The following CDH18 variants were observed in gnomAD, a reference collection of about 807,000 sequenced individuals.
CDH18 encodes the protein cadherin-18.
A neutral mutation model predicts 67.9 loss-of-function variants in CDH18; 31 were observed. The ratio of observed to expected loss-of-function variants is 0.46; its 90% CI spans 0.34 to 0.62. CDH18 has a LOEUF of 0.62. CDH18 is among the 20% of genes least tolerant of loss of function. CDH18 has a pLI of 0.01. For synonymous variants in CDH18, 362 were observed against 347.2 expected (o/e 1.04, Z -0.48); for missense variants, 890 against 975.5 (o/e 0.91, Z 1.17).
rs541765484 is a variant in CDH18 at position 20,140,755 on chromosome 5, G to A, written c.-518+114689C>T. 2.2e-4 allele frequency among the ~76,000 whole-genome samples: 33 copies of A among 152,114 alleles called. 1 individual carries two copies. The highest frequency in any genetic ancestry group is 7.2e-4 in the African/African-American group (30 of 41,526). Reference sequence around the variant, plus strand: ...TTTATTGTAAGGATGGAACTGATGCGTTTTGGCCTCTTTCCATCTCAGAGC... The same window carrying A: ...TTTATTGTAAGGATGGAACTGATGCATTTTGGCCTCTTTCCATCTCAGAGC... On this transcript the variant is annotated intron_variant, in intron 2 of 14. Coordinates refer to the CDH18 transcript ENST00000507958.
At chr5:20,462,370 T>G (rs1561027294) in intron 1 of CDH18, among the ~76,000 whole-genome samples, 1 of 151,614 alleles carries the variant, frequency 6.6e-6, no homozygotes, top group Admixed American at 6.6e-5. Flanking sequence ...TATATAGAGG[T>G]GGAAGATGAG....
chr5:20,355,758 A>C lies in CDH18; in HGVS notation c.-579-100253T>G, dbSNP rs967102871. Among the ~76,000 whole-genome samples, 7 of 152,210 alleles carry C rather than the reference A, an allele frequency of 4.6e-5. No homozygotes were observed. In the East Asian group the frequency reaches 1.3e-3, roughly 29 times the overall value. On this transcript the variant is annotated intron_variant, in intron 1 of 14. Transcript: ENST00000507958. ...TGTTTATGCATCTGAAGTTTTATCTACATCAAGCTGAATATGCTGCAAGCC... is the reference window on the plus strand; with the variant it reads ...TGTTTATGCATCTGAAGTTTTATCTCCATCAAGCTGAATATGCTGCAAGCC...
intron 3 of CDH18, among the ~76,000 whole-genome samples, chr5:19,814,625 A>G (rs1779098604): frequency 6.6e-6 from 1 of 152,046 alleles, no homozygotes; most frequent in African/African-American, 2.4e-5. Flanking sequence ...AGGTCCTTTT[A>G]TCAATTAAAA....
chr5:20,231,308 A>C (rs1742050410), intron 2 of CDH18, among the ~76,000 whole-genome samples: 1 of 152,194 alleles, frequency 6.6e-6, no homozygotes, highest in Non-Finnish European at 1.5e-5. Flanking sequence ...AAGTCACCTT[A>C]GAAATTACTG....
chr5:20,443,233 T>TAAAAAAAAAA, intron 1 of CDH18, among the ~76,000 whole-genome samples: 1 of 116,154 alleles, frequency 8.6e-6, no homozygotes, highest in Non-Finnish European at 1.8e-5. Context: ...AAAAAAAAAG[T>TAAAAAAAAAA]ATATCTTTTG....
At chr5:20,469,469 GA>G (rs1424746630) in intron 1 of CDH18, among the ~76,000 whole-genome samples, 1 of 152,080 alleles carries the variant, frequency 6.6e-6, no homozygotes, top group African/African-American at 2.4e-5. Flanking sequence ...ATACTGTGCT[GA>G]AATGAAGTTT....
chr5:20,162,566 T>C (rs1255777702), intron 2 of CDH18, among the ~76,000 whole-genome samples: 1 of 149,966 alleles, frequency 6.7e-6, no homozygotes, highest in Non-Finnish European at 1.5e-5. Context: ...CTCTCATAGT[T>C]TGGCAGACTT....
At chr5:19,862,027 G>A (rs147182323) in intron 2 of CDH18, among the ~76,000 whole-genome samples, 162 of 152,174 alleles carry the variant, frequency 1.1e-3, no homozygotes, top group East Asian at 4.5e-3. Context: ...CAATGAATTC[G>A]ACATAGGTGG....
At chr5:19,845,381 G>A (rs1372893922) in intron 2 of CDH18, among the ~76,000 whole-genome samples, 1 of 152,094 alleles carries the variant, frequency 6.6e-6, no homozygotes, top group East Asian at 1.9e-4. Flanking sequence ...AAAGACACCA[G>A]CTATCATTTT....
At chr5:19,677,108 G>A (rs546498152) in intron 5 of CDH18, among the ~76,000 whole-genome samples, 2 of 152,178 alleles carry the variant, frequency 1.3e-5, no homozygotes, top group South Asian at 4.1e-4. Flanking sequence ...AGAGTCATCA[G>A]ATTCTCCAAG....
At chr5:19,817,086 A>T (rs1008263030) in intron 3 of CDH18, among the ~76,000 whole-genome samples, 2 of 151,962 alleles carry the variant, frequency 1.3e-5, no homozygotes, top group Non-Finnish European at 2.9e-5. Flanking sequence ...TTAATAAAAA[A>T]GAAATAATTA....
chr5:20,012,390 A>AC (rs1471179774), intron 2 of CDH18, among the ~76,000 whole-genome samples: 1 of 151,300 alleles, frequency 6.6e-6, no homozygotes, highest in Non-Finnish European at 1.5e-5. Context: ...AAAAAAAAAA[A>AC]ACACCAGCTC....
intron 1 of CDH18, among the ~76,000 whole-genome samples, chr5:20,394,221 A>T (rs1745100764): frequency 6.6e-6 from 1 of 150,692 alleles, no homozygotes; most frequent in Non-Finnish European, 1.5e-5. Flanking sequence ...TACACACACC[A>T]GTGGAAGAGA....
intron 4 of CDH18, among the ~76,000 whole-genome samples, chr5:19,741,580 T>C (rs1769221765): frequency 6.6e-6 from 1 of 152,174 alleles, no homozygotes; most frequent in Non-Finnish European, 1.5e-5. Context: ...TGACAATTAA[T>C]ATTTAAACAC....
intron 2 of CDH18, among the ~76,000 whole-genome samples, chr5:20,087,929 G>T (rs1745112226): frequency 6.6e-6 from 1 of 152,044 alleles, no homozygotes; most frequent in Non-Finnish European, 1.5e-5. Flanking sequence ...ATAGAATCAA[G>T]GTGTCTAAAA....
At chr5:20,477,181 A>G (rs1752498072) in intron 1 of CDH18, among the ~76,000 whole-genome samples, 1 of 152,024 alleles carries the variant, frequency 6.6e-6, no homozygotes, top group South Asian at 2.1e-4. Flanking sequence ...CCTATTAGGG[A>G]GAAAAATATA....
At chr5:19,680,182 T>G (rs1023471826) in intron 5 of CDH18, among the ~76,000 whole-genome samples, 7 of 151,976 alleles carry the variant, frequency 4.6e-5, no homozygotes, top group African/African-American at 1.7e-4. Context: ...GTGGAAAGGA[T>G]TCCCTATACA....
At chr5:20,572,788 A>G (rs1255488851) in intron 1 of CDH18, among the ~76,000 whole-genome samples, 1 of 152,136 alleles carries the variant, frequency 6.6e-6, no homozygotes, top group African/African-American at 2.4e-5. Context: ...TAAAATGAGT[A>G]ATCAGGAAAG....
intron 1 of CDH18, among the ~76,000 whole-genome samples, chr5:20,400,023 C>T (rs1244332070): frequency 5.3e-5 from 8 of 152,122 alleles, no homozygotes; most frequent in Non-Finnish European, 7.4e-5. Flanking sequence ...ATCCTCCTAC[C>T]TGTGGCCTAC....
Sources: allele counts gnomAD v4.1 joint callset (sites outside exome capture counted in the v4.1 genomes callset), GRCh38; gene constraint gnomAD v4.1.1; transcripts MANE v1.5; gene names NCBI Gene and HGNC (gene_info 2026-07-23, HGNC 2026-07-21).